Variants in WDR86 observed in about 807,000 individuals in gnomAD.
The protein encoded by WDR86 is WD repeat-containing protein 86.
Under a neutral mutation model 36.5 loss-of-function variants are expected in WDR86, and 30 were observed. The observed-to-expected ratio is 0.82, with a 90% CI of 0.61 to 1.11. WDR86 has a LOEUF of 1.11. Ranked by LOEUF, WDR86 falls within the 50% of genes most tolerant of loss-of-function variation. WDR86 has a pLI of 0.00. For synonymous variants in WDR86, 255 were observed against 252.9 expected, an observed-to-expected ratio of 1.01 and a Z score of -0.08; for missense variants, 545 against 561.2, an observed-to-expected ratio of 0.97 and a Z score of 0.29.
intron 1 of WDR86, among the ~76,000 whole-genome samples, chr7:151,407,765 C>T (rs909936697): frequency 2.6e-5 from 4 of 152,106 alleles, no homozygotes; most frequent in Non-Finnish European, 4.4e-5. Flanking sequence ...CGCTTGAACC[C>T]GGGAGGCGGA....
At chr7:151,397,164 G>A (rs371065330) in intron 2 of WDR86, among the ~76,000 whole-genome samples, 15 of 152,186 alleles carry the variant, frequency 9.9e-5, no homozygotes, top group African/African-American at 3.4e-4. Context: ...TCCCTGCCGG[G>A]GTGGGACCCT....
At chr7:151,407,371 C>T (rs1007113253) in intron 1 of WDR86, among the ~76,000 whole-genome samples, 1 of 152,158 alleles carries the variant, frequency 6.6e-6, no homozygotes, top group Non-Finnish European at 1.5e-5. Flanking sequence ...CCAGAGCTGC[C>T]GTGGGGGCAA....
chr7:151,382,047 G>C, intron 4 of WDR86, 66 bp from the exon 5 acceptor site: 2 of 1,452,020 alleles, frequency 1.4e-6, no homozygotes, highest in South Asian at 1.3e-5. Flanking sequence ...GGGATGGGGC[G>C]GCGAGAGCGT....
chr7:151,372,799 T>C (rs1798022825), downstream of WDR86, among the ~76,000 whole-genome samples: 1 of 151,814 alleles, frequency 6.6e-6, no homozygotes, highest in African/African-American at 2.4e-5. Context: ...GGGCTGGAGC[T>C]GGGGGAGACT....
chr7:151,396,194 A>T lies in WDR86; in HGVS notation c.308T>A (p.Ile103Asn), dbSNP rs1799814928. The T allele has an allele frequency of 6.8e-6, 11 of 1,612,724 alleles. No homozygotes were observed. Among genetic ancestry groups the T allele is most frequent in the Non-Finnish European group, 6.8e-6 (8 of 1,179,860 alleles). The change falls in exon 3 of 6, where the codon ATC becomes AAC. Residue 103 changes from isoleucine (I) to asparagine (N), a missense_variant and splice_region_variant. By Grantham distance (149) the Ile-to-Asn change is moderately radical. Transcript: ENST00000334493. Reference sequence around the variant, plus strand: ...GAAGAGCTGGTTGTTGGCAACCAGGATCCTGGGGGCAAGAGGGAAGGGGTC... The same window carrying T: ...GAAGAGCTGGTTGTTGGCAACCAGGTTCCTGGGGGCAAGAGGGAAGGGGTC... ...YRGHTSIVNR[I>N]LVANNQLFSS... is the part of the protein sequence containing the mutation.
In WDR86 at chr7:151,401,797, T is replaced by C. The variant is rs972798963; in HGVS notation, c.164-1556A>G. Among the ~76,000 whole-genome samples the C allele has an allele frequency of 2.0e-5, 3 of 151,672 alleles. No individual in the cohort carries two copies. The highest frequency in any genetic ancestry group is 4.4e-5 in the Non-Finnish European group (3 of 67,946). ...AGGCGCGGTGGCTCACGCCTGTAAT[T>C]CCAGCACTTTGGGAGGCCGAGGCGG... On this transcript the variant is annotated intron_variant, in intron 1 of 5. Transcript: ENST00000334493. The surrounding 1 kb of genome is among the most constrained non-coding windows in gnomAD (Gnocchi z 4.3).
At position 151,381,654 on chromosome 7, in the gene WDR86, C is replaced by T; in HGVS notation, c.1059G>A (p.Pro353=). The T allele has an allele frequency of 1.4e-6, 2 of 1,398,410 alleles. No homozygotes were observed. The highest frequency in any genetic ancestry group is 1.6e-5 in the South Asian group (1 of 62,196). The allele number at this position is 1,398,410 out of a possible 1,614,324, so 86.6% of individuals were successfully genotyped here. A position where few individuals can be genotyped will look rare whatever the true frequency, so the allele number is the denominator to read the frequency against. Residue 353 remains proline (P), a synonymous_variant, in exon 6 of 6, where the codon CCG becomes CCA. Transcript: ENST00000334493. This position sits in a 1 kb window ranked among gnomAD's most constrained non-coding sequence, Gnocchi z 4.8. ...AGAGCCGCGAGAGGCTGCGCATGGG[C>T]GGAGGGGGCCGCGGGGCACCTCGGA... ...RGLRGAPRPP[P]PMRSLSRLFS...
downstream of WDR86, chr7:151,374,262 C>T: frequency 6.4e-7 from 1 of 1,551,108 alleles, no homozygotes; most frequent in Non-Finnish European, 8.7e-7. Flanking sequence ...TCCCTCGGGG[C>T]CTCTGGCCTT....
At chr7:151,391,764 A>T (rs1234846457) in intron 3 of WDR86, among the ~76,000 whole-genome samples, 1 of 152,052 alleles carries the variant, frequency 6.6e-6, no homozygotes, top group Admixed American at 6.6e-5. Context: ...GATTAGGGAG[A>T]TGGCGGGAAC....
At position 151,376,108 on chromosome 7, in the gene WDR86, A is replaced by G. The variant is rs1343265132; in HGVS notation, n.1182T>C. 4 of 602,134 alleles carry G rather than the reference A, an allele frequency of 6.6e-6. No homozygotes were observed. In the East Asian group the frequency reaches 1.1e-4, roughly 17 times the overall value. 37.3% of individuals were successfully genotyped at this position (602,134 alleles called of 1,614,324 possible). A position where few individuals can be genotyped will look rare whatever the true frequency, so the allele number is the denominator to read the frequency against. On this transcript the variant is annotated non_coding_transcript_exon_variant, in exon 2 of 2. Transcript: ENST00000463000. The stretch of plus-strand genomic sequence containing the variant: ...CCTCAGAGGCCACCCACGCAGTAAC[A>G]GAGGGCAGGGGAGGCCTCCTTGGAA...
At chr7:151,379,704 G>A (rs766058067), downstream of WDR86, among the ~76,000 whole-genome samples, 1 of 152,190 alleles carries the variant, frequency 6.6e-6, no homozygotes, top group Non-Finnish European at 1.5e-5. Context: ...TGAGTGCAGC[G>A]CCCGTGTTTT....
intron 3 of WDR86, among the ~76,000 whole-genome samples, chr7:151,393,934 A>G (rs896539623): frequency 3.9e-5 from 6 of 152,172 alleles, no homozygotes; most frequent in African/African-American, 1.4e-4. Context: ...CTTCAGCATA[A>G]GGATGATGTC....
At chr7:151,376,779 C>T (rs1335145142), downstream of WDR86, 2 of 1,591,914 alleles carry the variant, frequency 1.3e-6, no homozygotes, top group Non-Finnish European at 1.7e-6. Context: ...GACTCTTTGT[C>T]CCCGCCAGCC....
chr7:151,392,368 C>G (rs1469108678), intron 3 of WDR86, among the ~76,000 whole-genome samples: 2 of 152,030 alleles, frequency 1.3e-5, no homozygotes, highest in East Asian at 3.9e-4. Context: ...CATTAGGGAA[C>G]AGGAACCTCC....
downstream of WDR86, chr7:151,378,375 G>A (rs1297876339): frequency 1.3e-5 from 2 of 152,220 alleles, no homozygotes; most frequent in African/African-American, 4.8e-5. Context: ...AGTTTGGACT[G>A]ATGGGAATCT....
intron 1 of WDR86, among the ~76,000 whole-genome samples, chr7:151,402,070 A>AAAAAAAAAAAAAATATAT: frequency 2.0e-5 from 1 of 50,558 alleles, no homozygotes; most frequent in Non-Finnish European, 3.3e-5. Context: ...AAAAAAAAAA[A>AAAAAAAAAAAAAATATAT]ATATATATAT....
In WDR86 at chr7:151,396,129, C is replaced by T. The variant is rs1799810432; in HGVS notation, c.373G>A (p.Asp125Asn). ...AACTCCCGGGACATCTGCCCCTTGT[C>T]CACACTCCAGACCCGAGCTGTCCGG... Reference protein sequence around the residue: ...YDRTARVWSVDKGQMSREFRG... With the variant: ...YDRTARVWSVNKGQMSREFRG... Residue 125 changes from aspartate (D) to asparagine (N), a missense_variant, in exon 3 of 6, where the codon GAC (aspartate) becomes AAC (asparagine). Physicochemically the swap from Asp to Asn is conservative, Grantham distance 23 (BLOSUM62 1). Transcript: ENST00000334493. 1 of 1,612,952 alleles carries T rather than the reference C, an allele frequency of 6.2e-7. No individual in the cohort carries two copies. Among genetic ancestry groups the T allele is most frequent in the Non-Finnish European group, 8.5e-7 (1 of 1,179,898 alleles).
At chr7:151,377,023 T>C, downstream of WDR86, 1 of 1,511,554 alleles carries the variant, frequency 6.6e-7, no homozygotes, top group African/African-American at 1.4e-5. Flanking sequence ...ATAATTCACT[T>C]ACTCCTGCGG....
At chr7:151,381,009 G>A, downstream of WDR86, 1 of 427,918 alleles carries the variant, frequency 2.3e-6, no homozygotes. This position sits in a 1 kb window ranked among gnomAD's most constrained non-coding sequence, Gnocchi z 4.8. Context: ...AGGCTGCCCA[G>A]GCCGGTTGTG....
Sources: gnomAD v4.1 joint callset for allele counts (sites outside exome capture counted in the v4.1 genomes callset) on GRCh38, gnomAD v4.1.1 for gene constraint, Gnocchi (gnomAD v3.1) non-coding constraint, MANE v1.5 for transcripts, NCBI Gene and HGNC (gene_info 2026-07-23, HGNC 2026-07-21) for gene names.